The following SPART variants were observed in gnomAD, a reference collection of about 807,000 sequenced individuals.
SPART encodes spartin.
SPART carries 35 observed loss-of-function variants against 58.7 expected under a neutral mutation model. The ratio of observed to expected loss-of-function variants is 0.60; its 90% CI spans 0.46 to 0.79. SPART has a LOEUF of 0.79. Ranked by LOEUF, SPART falls within the 30% of genes least tolerant of loss-of-function variation. The probability of loss-of-function intolerance (pLI) is 0.00; values close to 1 mark genes in which losing one functional copy is unlikely to be tolerated. For synonymous variants in SPART, 284 were observed against 280.7 expected, an observed-to-expected ratio of 1.01 and a Z score of -0.12; for missense variants, 730 against 786.1, an observed-to-expected ratio of 0.93 and a Z score of 0.85.
intron 6 of SPART, among the ~76,000 whole-genome samples, chr13:36,313,161 A>C (rs565612320): frequency 6.6e-6 from 1 of 152,166 alleles, no homozygotes; most frequent in Non-Finnish European, 1.5e-5. Context: ...TCACTAAGTC[A>C]GTTTTTCTCA....
rs1880225605 is a variant in SPART, at chr13:36,303,810, T to C, written c.*555A>G. On this transcript the variant is annotated 3_prime_UTR_variant, in exon 9 of 9. Transcript: ENST00000438666. ...AGTTACAAAAGTAGTCCATTTTACTTTTCATCAGTCTTTCCCTGTTTTGAA... is the reference window on the plus strand; with the variant it reads ...AGTTACAAAAGTAGTCCATTTTACTCTTCATCAGTCTTTCCCTGTTTTGAA... The C allele has an allele frequency of 6.5e-6, 1 of 153,676 alleles. No individual in the cohort carries two copies. Among genetic ancestry groups the C allele is most frequent in the Non-Finnish European group, 1.5e-5 (1 of 68,806 alleles). The allele number at this position is 153,676 out of a possible 1,614,324, so 9.5% of individuals were successfully genotyped here.
At chr13:36,342,132 TAC>T (rs1884638004) in intron 1 of SPART, among the ~76,000 whole-genome samples, 1 of 152,228 alleles carries the variant, frequency 6.6e-6, no homozygotes, top group Non-Finnish European at 1.5e-5. Flanking sequence ...ACTTTTGTGC[TAC>T]ATACGATAGG....
chr13:36,309,243 C>CAA (rs566701572), intron 8 of SPART, among the ~76,000 whole-genome samples: 125 of 103,108 alleles, frequency 1.2e-3, no homozygotes, highest in East Asian at 3.5e-3. Flanking sequence ...AACTCCGTCT[C>CAA]AAAAAAAAAA....
intron 1 of SPART, among the ~76,000 whole-genome samples, chr13:36,363,359 C>T (rs144713876): frequency 6.6e-6 from 1 of 152,012 alleles, no homozygotes; most frequent in East Asian, 1.9e-4. Context: ...GCATCTCTCT[C>T]TCTCTCTCTC....
At chr13:36,322,555 G>GT (rs1320651924) in intron 5 of SPART, among the ~76,000 whole-genome samples, 1 of 152,110 alleles carries the variant, frequency 6.6e-6, no homozygotes, top group Non-Finnish European at 1.5e-5. Flanking sequence ...AACTTTTCTG[G>GT]TAAGTTTTAA....
chr13:36,314,053 C>G (rs549817477), intron 6 of SPART, 174 bp downstream of exon 6: 1 of 649,322 alleles, frequency 1.5e-6, no homozygotes, highest in Non-Finnish European at 2.6e-6. Flanking sequence ...CCAGATAGGA[C>G]GATGTGATGT....
chr13:36,362,870 T>C (rs2137724955), intron 1 of SPART, among the ~76,000 whole-genome samples: 1 of 152,308 alleles, frequency 6.6e-6, no homozygotes, highest in South Asian at 2.1e-4. Flanking sequence ...TTTTTGGTTA[T>C]GTAAGATTAT....
At chr13:36,316,358 A>G (rs1881701703) in intron 5 of SPART, among the ~76,000 whole-genome samples, 5 of 152,236 alleles carry the variant, frequency 3.3e-5, no homozygotes, top group Admixed American at 2.0e-4. Context: ...AAGCCATCGC[A>G]TCCCCTGTGA....
At chr13:36,320,114 C>T (rs982246162) in intron 5 of SPART, among the ~76,000 whole-genome samples, 13 of 152,184 alleles carry the variant, frequency 8.5e-5, no homozygotes, top group Admixed American at 3.3e-4. Context: ...TGCTTTAATA[C>T]TTTTAGAGGC....
intron 1 of SPART, among the ~76,000 whole-genome samples, chr13:36,343,487 A>T (rs1388243541): frequency 6.6e-6 from 1 of 152,226 alleles, no homozygotes; most frequent in Non-Finnish European, 1.5e-5. Flanking sequence ...TGTTAATATC[A>T]ATACCATGTG....
intron 1 of SPART, among the ~76,000 whole-genome samples, chr13:36,339,137 T>C (rs1729016735): frequency 6.7e-6 from 1 of 149,094 alleles, no homozygotes; most frequent in Non-Finnish European, 1.5e-5. Flanking sequence ...AAAAAGAAAA[T>C]ATCGCATCCA....
Position 36,367,151 on chromosome 13 carries a change from C to T in SPART, c.-3+2938G>A, listed in dbSNP as rs759134512. 3.9e-5 allele frequency among the ~76,000 whole-genome samples: 6 copies of T among 152,104 alleles called. No homozygotes were observed. The East Asian group carries it at 5.8e-4, about 15-fold the overall frequency. On this transcript the variant is annotated intron_variant, in intron 1 of 8. Transcript: ENST00000355182. ...AAGTTTTCGGTTTTTAAAGCATCTC[C>T]GGAAAAGTTTCTTGTAAAGCCCTGG...
At chr13:36,348,501 A>G (rs2137684099), upstream of SPART, among the ~76,000 whole-genome samples, 1 of 152,360 alleles carries the variant, frequency 6.6e-6, no homozygotes, top group African/African-American at 2.4e-5. Context: ...CTAATAAATG[A>G]GTACATCAAG....
intron 1 of SPART, among the ~76,000 whole-genome samples, chr13:36,357,481 G>A (rs903800802): frequency 2.0e-5 from 3 of 152,286 alleles, no homozygotes. Context: ...CAGGATTCAG[G>A]GGAGAAGAGG....
chr13:36,347,941 A>G (rs1885246518), upstream of SPART, among the ~76,000 whole-genome samples: 2 of 151,982 alleles, frequency 1.3e-5, no homozygotes, highest in Admixed American at 1.3e-4. Context: ...TTCTTCTTGA[A>G]CTCATATTTC....
chr13:36,314,178 T>G (rs1881425644), intron 6 of SPART, 49 bp downstream of exon 6: 1 of 1,535,364 alleles, frequency 6.5e-7, no homozygotes, highest in Admixed American at 1.7e-5. Context: ...GATTAAGACA[T>G]TATTTTAAAT....
upstream of SPART, among the ~76,000 whole-genome samples, chr13:36,348,538 G>A (rs1885284652): frequency 6.6e-6 from 1 of 152,024 alleles, no homozygotes; most frequent in Non-Finnish European, 1.5e-5. Context: ...TCAACATACA[G>A]AAATCAATAG....
chr13:36,308,763 T>A (rs73169228), intron 8 of SPART, among the ~76,000 whole-genome samples: 25,701 of 152,108 alleles, frequency 0.17, 2,321 homozygotes, highest in African/African-American at 0.22. Flanking sequence ...TCTCCTGTTC[T>A]TGCTACAAAT....
chr13:36,351,464 AGTT>A (rs1335639367), intron 1 of SPART, among the ~76,000 whole-genome samples: 1 of 152,210 alleles, frequency 6.6e-6, no homozygotes, highest in Non-Finnish European at 1.5e-5. Flanking sequence ...AGATTGATGA[AGTT>A]GTTTTCTCTT....
Sources: allele counts gnomAD v4.1 joint callset (sites outside exome capture counted in the v4.1 genomes callset), GRCh38; gene constraint gnomAD v4.1.1; transcripts MANE v1.5; gene names NCBI Gene and HGNC (gene_info 2026-07-23, HGNC 2026-07-21).